The following XKR4 variants were observed in gnomAD, a reference collection of about 807,000 sequenced individuals.
XKR4 encodes the protein XK related 4.
Under a neutral mutation model 53.9 loss-of-function variants are expected in XKR4, and 12 were observed. That is an observed-to-expected ratio of 0.22 (90% CI 0.14 to 0.36). The LOEUF (loss-of-function observed/expected upper bound fraction) is 0.36, where lower values mean the gene tolerates loss of function less well. Ranked by LOEUF, XKR4 falls within the 10% of genes least tolerant of loss-of-function variation. XKR4 has a pLI of 1.00. For synonymous variants in XKR4, 354 were observed against 362.4 expected (o/e 0.98, Z 0.26); for missense variants, 799 against 859.5 (o/e 0.93, Z 0.88).
At chr8:55,304,980 A>T (rs531318358) in intron 1 of XKR4, among the ~76,000 whole-genome samples, 72 of 152,158 alleles carry the variant, frequency 4.7e-4, no homozygotes, top group Non-Finnish European at 6.8e-4. Context: ...GAAGAAAATA[A>T]CTGAATTCAA....
intron 1 of XKR4, among the ~76,000 whole-genome samples, chr8:55,179,262 C>G (rs759677668): frequency 6.6e-6 from 1 of 150,906 alleles, no homozygotes; most frequent in African/African-American, 2.5e-5. Flanking sequence ...AACTACAACT[C>G]TGTCCAATGA....
chr8:55,414,674 A>G (rs898753748), intron 2 of XKR4, among the ~76,000 whole-genome samples: 1 of 152,048 alleles, frequency 6.6e-6, no homozygotes, highest in Admixed American at 6.6e-5. Flanking sequence ...GGAGATCACT[A>G]GGGACCATTT....
intron 1 of XKR4, among the ~76,000 whole-genome samples, chr8:55,315,296 C>T (rs898251887): frequency 6.6e-6 from 1 of 152,142 alleles, no homozygotes; most frequent in Non-Finnish European, 1.5e-5. Flanking sequence ...CGGAGTCCAG[C>T]GGTTCCAGGG....
At chr8:55,244,110 T>G (rs1056776902) in intron 1 of XKR4, among the ~76,000 whole-genome samples, 1 of 152,206 alleles carries the variant, frequency 6.6e-6, no homozygotes, top group Non-Finnish European at 1.5e-5. Flanking sequence ...TGCAGGTATG[T>G]TATACAGGTA....
chr8:55,185,235 C>A (rs1048542774), intron 1 of XKR4, among the ~76,000 whole-genome samples: 1 of 152,210 alleles, frequency 6.6e-6, no homozygotes. Flanking sequence ...AATCAAAGTT[C>A]ATCTATCACT....
At chr8:55,466,294 A>G (rs1805767106) in intron 2 of XKR4, among the ~76,000 whole-genome samples, 1 of 152,154 alleles carries the variant, frequency 6.6e-6, no homozygotes, top group South Asian at 2.1e-4. Flanking sequence ...ACCCTGGAAT[A>G]CTATGCAGCC....
chr8:55,484,748 C>T (rs1191062632), intron 2 of XKR4, among the ~76,000 whole-genome samples: 1 of 152,178 alleles, frequency 6.6e-6, no homozygotes, highest in Non-Finnish European at 1.5e-5. Flanking sequence ...CCTCCTTCAA[C>T]CCACTGAAGG....
intron 2 of XKR4, chr8:55,450,234 G>A (rs1307435549): frequency 1.4e-5 from 9 of 645,398 alleles, no homozygotes; most frequent in Non-Finnish European, 2.2e-5. Context: ...GAGCGCCTCC[G>A]TCAAACCGTT....
intron 1 of XKR4, among the ~76,000 whole-genome samples, chr8:55,308,242 G>A (rs1010685639): frequency 6.6e-6 from 1 of 152,090 alleles, no homozygotes; most frequent in African/African-American, 2.4e-5. Flanking sequence ...AACGCAGCAA[G>A]ACTCCATCTC....
rs542330367 is a variant in XKR4 at position 55,539,900 on chromosome 8, C to T, written c.*15673C>T. The T allele has an allele frequency of 2.0e-5, 3 of 152,120 alleles. No homozygotes were observed. Among genetic ancestry groups the T allele is most frequent in the Non-Finnish European group, 4.4e-5 (3 of 68,068 alleles). 9.4% of individuals were successfully genotyped at this position (152,120 alleles called of 1,614,324 possible). ...GAGGAAAATAGTGGGGCGAGTATGT[C>T]ATGGGGAGATTTTGCCACAAAGATA... On this transcript the variant is annotated 3_prime_UTR_variant, in exon 3 of 3. Transcript: ENST00000327381.
intron 2 of XKR4, among the ~76,000 whole-genome samples, chr8:55,463,690 G>T (rs923563743): frequency 1.3e-5 from 2 of 152,048 alleles, no homozygotes; most frequent in African/African-American, 2.4e-5. Context: ...TCCAGGAGCT[G>T]GTTTTTTGAA....
At chr8:55,394,564 A>G (rs546616932) in intron 2 of XKR4, among the ~76,000 whole-genome samples, 1 of 152,336 alleles carries the variant, frequency 6.6e-6, no homozygotes, top group South Asian at 2.1e-4. Flanking sequence ...GGGTATGGGC[A>G]TCATCTTATC....
At chr8:55,195,962 T>C (rs1817499715) in intron 1 of XKR4, among the ~76,000 whole-genome samples, 1 of 152,162 alleles carries the variant, frequency 6.6e-6, no homozygotes, top group Admixed American at 6.5e-5. Flanking sequence ...GGAAAGTCAG[T>C]GCCATCTGCT....
At chr8:55,208,806 G>A (rs558502232) in intron 1 of XKR4, among the ~76,000 whole-genome samples, 1 of 152,146 alleles carries the variant, frequency 6.6e-6, no homozygotes, top group Non-Finnish European at 1.5e-5. Flanking sequence ...AAACCCTACC[G>A]TGTGGACCCC....
At chr8:55,188,186 C>A (rs991290673) in intron 1 of XKR4, among the ~76,000 whole-genome samples, 1 of 152,168 alleles carries the variant, frequency 6.6e-6, no homozygotes, top group African/African-American at 2.4e-5. Context: ...AGAATTAAAT[C>A]TATGAAACAC....
chr8:55,130,696 C>T (rs1256939813), intron 1 of XKR4, among the ~76,000 whole-genome samples: 1 of 152,080 alleles, frequency 6.6e-6, no homozygotes, highest in African/African-American at 2.4e-5. Flanking sequence ...ATGACTAGGC[C>T]CCCATTATCT....
chr8:55,313,086 A>C (rs1436867426), intron 1 of XKR4, among the ~76,000 whole-genome samples: 1 of 152,168 alleles, frequency 6.6e-6, no homozygotes, highest in African/African-American at 2.4e-5. Flanking sequence ...TTTTATATAA[A>C]GCATCTATAA....
At chr8:55,263,993 C>G (rs1214617043) in intron 1 of XKR4, among the ~76,000 whole-genome samples, 26 of 152,220 alleles carry the variant, frequency 1.7e-4, no homozygotes, top group Admixed American at 1.7e-3. Flanking sequence ...CACATTTCTT[C>G]ACCATCCAGA....
At chr8:55,414,139 T>C (rs1453533471) in intron 2 of XKR4, among the ~76,000 whole-genome samples, 1 of 152,152 alleles carries the variant, frequency 6.6e-6, no homozygotes, top group Non-Finnish European at 1.5e-5. Context: ...CAAGCAGAGA[T>C]TATACTTGGA....
Sources: allele counts gnomAD v4.1 joint callset (sites outside exome capture counted in the v4.1 genomes callset), GRCh38; gene constraint gnomAD v4.1.1; transcripts MANE v1.5; gene names NCBI Gene and HGNC (gene_info 2026-07-23, HGNC 2026-07-21).